Variants in ADAMTSL1 observed in about 807,000 individuals in gnomAD.
ADAMTSL1 encodes the protein ADAMTS like 1.
Under a neutral mutation model 201.8 loss-of-function variants are expected in ADAMTSL1, and 126 were observed. The observed-to-expected ratio is 0.62, with a 90% CI of 0.54 to 0.72. ADAMTSL1 has a LOEUF of 0.72. Ranked by LOEUF, ADAMTSL1 falls within the 30% of genes least tolerant of loss-of-function variation. The probability of loss-of-function intolerance (pLI) is 0.00; values close to 1 mark genes in which losing one functional copy is unlikely to be tolerated. For synonymous variants in ADAMTSL1, 1,121 were observed against 903.4 expected, an observed-to-expected ratio of 1.24 and a Z score of -4.32; for missense variants, 2,679 against 2,277.8, an observed-to-expected ratio of 1.18 and a Z score of -3.59.
intron 2 of ADAMTSL1, among the ~76,000 whole-genome samples, chr9:18,355,707 A>T (rs1169838833): frequency 2.6e-5 from 4 of 152,320 alleles, no homozygotes; most frequent in African/African-American, 9.6e-5. Flanking sequence ...TAAAAAAATT[A>T]AAAAATTAAA....
At chr9:18,268,888 T>C (rs1832243496) in intron 2 of ADAMTSL1, among the ~76,000 whole-genome samples, 1 of 152,148 alleles carries the variant, frequency 6.6e-6, no homozygotes, top group Non-Finnish European at 1.5e-5. Flanking sequence ...AAATTGTGCA[T>C]CAAATTCCTT....
chr9:18,141,930 A>G (rs1400424969), intron 1 of ADAMTSL1, among the ~76,000 whole-genome samples: 2 of 152,184 alleles, frequency 1.3e-5, no homozygotes, highest in Non-Finnish European at 2.9e-5. Context: ...CTTCTCACTG[A>G]GACACAAGGA....
intron 2 of ADAMTSL1, among the ~76,000 whole-genome samples, chr9:18,384,865 T>C (rs114691338): frequency 0.016 from 2,365 of 152,274 alleles, 42 homozygotes; most frequent in African/African-American, 0.046. Flanking sequence ...CCTTACTCTT[T>C]CCTTGTCTCT....
chr9:18,636,117 T>C, intron 6 of ADAMTSL1, 100 bp downstream of exon 6: 1 of 994,044 alleles, frequency 1.0e-6, no homozygotes, highest in Non-Finnish European at 1.5e-6. Flanking sequence ...ATACAAATCT[T>C]TCTACTCTAT....
At chr9:18,710,716 G>C (rs1360584416) in intron 14 of ADAMTSL1, among the ~76,000 whole-genome samples, 2 of 126,466 alleles carry the variant, frequency 1.6e-5, no homozygotes, top group African/African-American at 2.8e-5. Flanking sequence ...TTTAATTAAG[G>C]GTTTTAGTTT....
chr9:18,333,027 C>T (rs770318669), intron 2 of ADAMTSL1, among the ~76,000 whole-genome samples: 28 of 152,170 alleles, frequency 1.8e-4, no homozygotes, highest in Non-Finnish European at 5.9e-5. Context: ...CTCCCATTTT[C>T]TTTTCTCTTT....
At chr9:18,358,431 G>A (rs184157313) in intron 2 of ADAMTSL1, among the ~76,000 whole-genome samples, 6 of 152,050 alleles carry the variant, frequency 3.9e-5, no homozygotes, top group South Asian at 2.1e-4. Context: ...GTTATTTTAC[G>A]ATATTCACGA....
chr9:18,598,822 G>A (rs1464555776), intron 4 of ADAMTSL1, among the ~76,000 whole-genome samples: 1 of 152,066 alleles, frequency 6.6e-6, no homozygotes, highest in Non-Finnish European at 1.5e-5. Flanking sequence ...TAGTTTCTTT[G>A]CCATCAGCGT....
intron 2 of ADAMTSL1, among the ~76,000 whole-genome samples, chr9:18,421,093 G>A (rs1393312183): frequency 6.6e-6 from 1 of 152,186 alleles, no homozygotes; most frequent in African/African-American, 2.4e-5. Flanking sequence ...CCTGAAAGAG[G>A]AAATGCAGAG....
chr9:18,234,169 A>C (rs533021666), intron 2 of ADAMTSL1, among the ~76,000 whole-genome samples: 1 of 152,312 alleles, frequency 6.6e-6, no homozygotes, highest in African/African-American at 2.4e-5. Context: ...ATGATCCCAC[A>C]TTTCTGCATG....
intron 2 of ADAMTSL1, among the ~76,000 whole-genome samples, chr9:18,388,505 C>T (rs1837899345): frequency 6.6e-6 from 1 of 152,092 alleles, no homozygotes; most frequent in Non-Finnish European, 1.5e-5. Flanking sequence ...AAGTCCTGAC[C>T]TCAAGTGTTC....
intron 2 of ADAMTSL1, among the ~76,000 whole-genome samples, chr9:18,301,810 T>A (rs1233753562): frequency 6.6e-6 from 1 of 152,258 alleles, no homozygotes; most frequent in Non-Finnish European, 1.5e-5. Context: ...CGGAAAGCTA[T>A]GTGCCAGAGT....
intron 1 of ADAMTSL1, among the ~76,000 whole-genome samples, chr9:18,004,010 GTT>G (rs1405272818): frequency 6.6e-6 from 1 of 151,996 alleles, no homozygotes; most frequent in Non-Finnish European, 1.5e-5. Flanking sequence ...GAATGTCAAT[GTT>G]TGGGCACCTA....
chr9:17,951,405 C>T (rs1009667983), intron 1 of ADAMTSL1, among the ~76,000 whole-genome samples: 1 of 152,056 alleles, frequency 6.6e-6, no homozygotes, highest in Admixed American at 6.5e-5. Context: ...TGCATATTGC[C>T]ATCTTGTCCT....
chr9:18,541,547 G>A (rs955378254), intron 3 of ADAMTSL1, among the ~76,000 whole-genome samples: 2 of 151,938 alleles, frequency 1.3e-5, no homozygotes. Flanking sequence ...TGGGAGGAGT[G>A]TGGAGAGTAA....
intron 1 of ADAMTSL1, among the ~76,000 whole-genome samples, chr9:17,978,442 T>C (rs77647617): frequency 0.052 from 7,965 of 152,104 alleles, 513 homozygotes; most frequent in African/African-American, 0.16. Flanking sequence ...TCTTTCTCTT[T>C]ATTTTGGGGG....
intron 1 of ADAMTSL1, among the ~76,000 whole-genome samples, chr9:18,150,640 A>G (rs1164483737): frequency 6.6e-6 from 1 of 151,998 alleles, no homozygotes; most frequent in Non-Finnish European, 1.5e-5. Flanking sequence ...TGTCTTAAAT[A>G]TGAAGATATG....
chr9:18,060,493 C>G (rs1822400491), intron 1 of ADAMTSL1, among the ~76,000 whole-genome samples: 1 of 152,160 alleles, frequency 6.6e-6, no homozygotes, highest in Non-Finnish European at 1.5e-5. Flanking sequence ...GCTTCAGCTT[C>G]TGACATGTTG....
chr9:18,814,992 C>G (rs900346209), intron 20 of ADAMTSL1, among the ~76,000 whole-genome samples: 1 of 152,016 alleles, frequency 6.6e-6, no homozygotes, highest in African/African-American at 2.4e-5. Context: ...AAATGTAAAC[C>G]AAAACCAAAA....
Sources: allele counts gnomAD v4.1 joint callset (sites outside exome capture counted in the v4.1 genomes callset), GRCh38; gene constraint gnomAD v4.1.1; transcripts MANE v1.5; gene names NCBI Gene and HGNC (gene_info 2026-07-23, HGNC 2026-07-21).